EPHB1: variants seen among roughly 807,000 people sequenced by gnomAD.
EPHB1 encodes the protein EPH receptor B1.
Under a neutral mutation model 94.4 loss-of-function variants are expected in EPHB1, and 30 were observed. That is an observed-to-expected ratio of 0.32 (90% CI 0.24 to 0.43). The LOEUF (loss-of-function observed/expected upper bound fraction) is 0.43. Ranked by LOEUF, EPHB1 falls within the 20% of genes least tolerant of loss-of-function variation. The pLI is 1.00. For synonymous variants in EPHB1, 522 were observed against 489.1 expected (o/e 1.07, Z -0.89); for missense variants, 1,055 against 1,308.3 (o/e 0.81, Z 2.99).
chr3:134,833,837 A>G (rs2108294337), intron 1 of EPHB1, among the ~76,000 whole-genome samples: 1 of 152,280 alleles, frequency 6.6e-6, no homozygotes, highest in South Asian at 2.1e-4. Flanking sequence ...CTGAGATTCT[A>G]CTGTCTGCCC....
chr3:135,167,190 GTC>G (rs1941676719), intron 9 of EPHB1, among the ~76,000 whole-genome samples, 184 bp downstream of exon 9: 2 of 152,168 alleles, frequency 1.3e-5, no homozygotes, highest in African/African-American at 4.8e-5. Context: ...CCCATCTGCC[GTC>G]TACCTGTCAT....
intron 3 of EPHB1, among the ~76,000 whole-genome samples, chr3:135,103,667 G>A (rs953464098): frequency 6.6e-6 from 1 of 152,188 alleles, no homozygotes; most frequent in Non-Finnish European, 1.5e-5. Flanking sequence ...TGTTCACCAA[G>A]CTAGGAGCTG....
chr3:134,835,260 A>T (rs2036652012), intron 1 of EPHB1, among the ~76,000 whole-genome samples: 1 of 152,232 alleles, frequency 6.6e-6, no homozygotes, highest in Admixed American at 6.5e-5. Context: ...TGGAAACTCC[A>T]GAGAAACAAG....
At chr3:135,067,553 C>G (rs1004430862) in intron 3 of EPHB1, 3 of 152,314 alleles carry the variant, frequency 2.0e-5, no homozygotes, top group African/African-American at 4.8e-5. Flanking sequence ...CCCCCTCTAA[C>G]AGCACGGAGT....
chr3:134,818,568 T>C (rs2036315019), intron 1 of EPHB1, among the ~76,000 whole-genome samples: 1 of 152,182 alleles, frequency 6.6e-6, no homozygotes, highest in Non-Finnish European at 1.5e-5. Flanking sequence ...CCAAAATCCA[T>C]TGTATCCTTG....
At chr3:134,958,571 C>T (rs1287458965) in intron 3 of EPHB1, among the ~76,000 whole-genome samples, 1 of 152,124 alleles carries the variant, frequency 6.6e-6, no homozygotes, top group South Asian at 2.1e-4. Context: ...TCTCAAGCTC[C>T]AGGGAGACCG....
intron 1 of EPHB1, among the ~76,000 whole-genome samples, chr3:134,806,305 T>G (rs2036042016): frequency 6.6e-6 from 1 of 152,184 alleles, no homozygotes; most frequent in South Asian, 2.1e-4. Context: ...CTGTTTCTCC[T>G]GAAATACTTG....
At chr3:135,183,829 C>T (rs886115901) in intron 10 of EPHB1, among the ~76,000 whole-genome samples, 1 of 152,142 alleles carries the variant, frequency 6.6e-6, no homozygotes, top group African/African-American at 2.4e-5. Context: ...GAGAATCAGG[C>T]CAAGATCTAG....
intron 1 of EPHB1, among the ~76,000 whole-genome samples, chr3:134,831,172 T>C (rs1236273191): frequency 6.6e-6 from 1 of 152,214 alleles, no homozygotes; most frequent in African/African-American, 2.4e-5. Flanking sequence ...AGACCCAGTG[T>C]CCTGCCCCTG....
At position 134,958,456 on chromosome 3, in the gene EPHB1, T is replaced by G. The variant is rs1933371965; in HGVS notation, c.805+6404T>G. Among the ~76,000 whole-genome samples the G allele has an allele frequency of 2.1e-5, 3 of 141,994 alleles. No individual in the cohort carries two copies. The South Asian group carries it at 6.9e-4, about 33-fold the overall frequency. 93.2% of individuals were successfully genotyped at this position (141,994 alleles called of 152,430 possible). On this transcript the variant is annotated intron_variant, in intron 3 of 15. Coordinates refer to ENST00000398015, the MANE Select transcript of EPHB1 (RefSeq NM_004441.5). ...TGTGTGTGTGTGTGTGTGTGAGGCC[T>G]CAGTGCTGGAAGCCACATTCAAGGG...
intron 5 of EPHB1, among the ~76,000 whole-genome samples, chr3:135,147,712 T>G (rs1941059096): frequency 6.6e-6 from 1 of 152,200 alleles, no homozygotes; most frequent in South Asian, 2.1e-4. Flanking sequence ...TCCTTGGGAA[T>G]TTTAGATGTG....
At position 135,020,896 on chromosome 3, in the gene EPHB1, A is replaced by G. The variant is rs575060732; in HGVS notation, c.805+68844A>G. On this transcript the variant is annotated intron_variant, in intron 3 of 15. Transcript: ENST00000398015. ...TTTTCGTAAATAGTAATAGGGTGAG[A>G]GTCTAATTTAATTTTTTTTTCCCAA... 3.9e-5 allele frequency among the ~76,000 whole-genome samples: 6 copies of G among 152,248 alleles called. No individual in the cohort carries two copies. In the East Asian group the frequency reaches 1.2e-3, roughly 29 times the overall value.
At chr3:135,024,853 T>C (rs1936093536) in intron 3 of EPHB1, among the ~76,000 whole-genome samples, 1 of 152,166 alleles carries the variant, frequency 6.6e-6, no homozygotes, top group Admixed American at 6.6e-5. Context: ...CATTGTCTTT[T>C]GACTTCCCTT....
intron 1 of EPHB1, among the ~76,000 whole-genome samples, chr3:134,818,473 C>CATG (rs2036311842): frequency 6.6e-6 from 1 of 152,186 alleles, no homozygotes; most frequent in Non-Finnish European, 1.5e-5. Flanking sequence ...GTGCACCCAT[C>CATG]ACCCAAGCAG....
At chr3:135,092,874 G>A (rs1390666788) in intron 3 of EPHB1, among the ~76,000 whole-genome samples, 1 of 152,124 alleles carries the variant, frequency 6.6e-6, no homozygotes, top group Admixed American at 6.5e-5. Flanking sequence ...TGATCTTCCC[G>A]CCTTAGCCTC....
chr3:135,134,391 A>G (rs1940536687), intron 5 of EPHB1, among the ~76,000 whole-genome samples: 1 of 152,196 alleles, frequency 6.6e-6, no homozygotes, highest in African/African-American at 2.4e-5. Context: ...CTTTGATGGC[A>G]TATGAATCTT....
intron 5 of EPHB1, among the ~76,000 whole-genome samples, chr3:135,146,391 G>A (rs1011010732): frequency 1.3e-5 from 2 of 152,344 alleles, no homozygotes; most frequent in Middle Eastern, 3.4e-3. Context: ...AGAGAGTTAG[G>A]ATGGTAAGTA....
intron 2 of EPHB1, among the ~76,000 whole-genome samples, chr3:134,935,820 C>T (rs2038990898): frequency 6.6e-6 from 1 of 151,688 alleles, no homozygotes; most frequent in Admixed American, 6.6e-5. Flanking sequence ...AATAGCAGTG[C>T]TATTATTAAT....
At chr3:135,154,473 C>A in intron 6 of EPHB1, 197 bp downstream of exon 6, 1 of 628,652 alleles carries the variant, frequency 1.6e-6, no homozygotes, top group Non-Finnish European at 2.6e-6. Context: ...CTTTCTGTGC[C>A]AACTAAGGAG....
Sources: gnomAD v4.1 joint callset for allele counts (sites outside exome capture counted in the v4.1 genomes callset) on GRCh38, gnomAD v4.1.1 for gene constraint, MANE v1.5 for transcripts, NCBI Gene and HGNC (gene_info 2026-07-23, HGNC 2026-07-21) for gene names.